Variants in PHACTR3 observed in about 807,000 individuals in gnomAD.
PHACTR3 encodes protein phosphatase 1, regulatory subunit 123.
A neutral mutation model predicts 66.8 loss-of-function variants in PHACTR3; 16 were observed. The observed-to-expected ratio is 0.24, with a 90% CI of 0.16 to 0.36. PHACTR3 has a LOEUF of 0.36. Ranked by LOEUF, PHACTR3 falls within the 10% of genes least tolerant of loss-of-function variation. PHACTR3 has a pLI of 1.00. For synonymous variants in PHACTR3, 323 were observed against 292.1 expected (o/e 1.11, Z -1.08); for missense variants, 647 against 719.9 (o/e 0.90, Z 1.16).
At chr20:59,781,631 T>C (rs991629823) in intron 7 of PHACTR3, among the ~76,000 whole-genome samples, 2 of 152,186 alleles carry the variant, frequency 1.3e-5, no homozygotes, top group Admixed American at 1.3e-4. Flanking sequence ...AAATCTGATA[T>C]TTGTACATTA....
In PHACTR3 at chr20:59,787,824, C is replaced by T. The variant is rs149837001; in HGVS notation, c.1174+13334C>T. ...AGCACCCTCACTTTCCTCTTTGTGA[C>T]AGGTAGTGATGCTTTTTACAGAAAC... is the stretch of plus-strand genomic sequence containing the variant. On this transcript the variant is annotated intron_variant, in intron 7 of 12. Transcript: ENST00000371015. Among the ~76,000 whole-genome samples, 29 of 152,318 alleles carry T rather than the reference C, an allele frequency of 1.9e-4. No individual in the cohort carries two copies. The East Asian group carries it at 5.4e-3, about 28-fold the overall frequency.
chr20:59,645,810 C>T (rs2035264298), intron 1 of PHACTR3, among the ~76,000 whole-genome samples: 1 of 152,130 alleles, frequency 6.6e-6, no homozygotes, highest in South Asian at 2.1e-4. Context: ...CAGTCTCTCC[C>T]AGCATCTAGC....
chr20:59,751,281 G>A (rs1382523117), intron 3 of PHACTR3, among the ~76,000 whole-genome samples: 2 of 152,154 alleles, frequency 1.3e-5, no homozygotes, highest in Non-Finnish European at 2.9e-5. Context: ...GCGCCCTCCT[G>A]TGGCCGGCCA....
intron 1 of PHACTR3, among the ~76,000 whole-genome samples, chr20:59,597,703 A>T (rs1286336134): frequency 6.6e-6 from 1 of 152,216 alleles, no homozygotes; most frequent in Non-Finnish European, 1.5e-5. Context: ...TGCCAGCAGG[A>T]TGTTTGGTCC....
chr20:59,702,340 CT>C (rs2037535520), intron 1 of PHACTR3, among the ~76,000 whole-genome samples: 1 of 152,172 alleles, frequency 6.6e-6, no homozygotes, highest in South Asian at 2.1e-4. Context: ...CCTTCCTGTT[CT>C]TTTGTGCACC....
At chr20:59,775,595 G>A (rs910857268) in intron 7 of PHACTR3, among the ~76,000 whole-genome samples, 4 of 152,140 alleles carry the variant, frequency 2.6e-5, no homozygotes, top group Non-Finnish European at 1.5e-5. Flanking sequence ...GGGTGGGGGT[G>A]CTGTCACCTG....
At chr20:59,627,121 C>A (rs2034481237) in intron 1 of PHACTR3, among the ~76,000 whole-genome samples, 1 of 152,196 alleles carries the variant, frequency 6.6e-6, no homozygotes, top group Non-Finnish European at 1.5e-5. Flanking sequence ...GAAGGACAAT[C>A]CTCAGCTGAC....
intron 8 of PHACTR3, among the ~76,000 whole-genome samples, chr20:59,818,808 C>G (rs192845402): frequency 1.2e-4 from 18 of 152,240 alleles, no homozygotes; most frequent in African/African-American, 4.3e-4. Flanking sequence ...ATCTTCATCA[C>G]TATCATCACC....
chr20:59,713,971 G>C (rs2037999076), intron 1 of PHACTR3, among the ~76,000 whole-genome samples: 1 of 152,070 alleles, frequency 6.6e-6, no homozygotes, highest in Admixed American at 6.5e-5. Flanking sequence ...TGGAAATATT[G>C]CATTGTGGTT....
Position 59,830,157 on chromosome 20 carries a change from C to T in PHACTR3, c.1329-6348C>T, listed in dbSNP as rs115325059. On this transcript the variant is annotated intron_variant, in intron 8 of 12. Coordinates refer to ENST00000371015, the MANE Select transcript of PHACTR3 (RefSeq NM_080672.5). The surrounding 1 kb of genome is among the most constrained non-coding windows in gnomAD (Gnocchi z 5.8). ...AGGCTATGACAGACAGGAGCATGTG[C>T]GTGTCTGGTGGAAGAGGGTGTGCGT... 7.0e-3 allele frequency among the ~76,000 whole-genome samples: 946 copies of T among 134,338 alleles called. 13 individuals are homozygous for T. The highest frequency in any genetic ancestry group is 0.03 in the African/African-American group (888 of 29,146). The allele number at this position is 134,338 out of a possible 152,430, so 88.1% of individuals were successfully genotyped here. A position where few individuals can be genotyped will look rare whatever the true frequency, so the allele number is the denominator to read the frequency against.
chr20:59,707,493 C>G (rs1463995648), intron 1 of PHACTR3, among the ~76,000 whole-genome samples: 2 of 130,464 alleles, frequency 1.5e-5, no homozygotes, highest in Non-Finnish European at 1.6e-5. Context: ...CGGAGTCTCT[C>G]TCTGTCTCCC....
intron 2 of PHACTR3, among the ~76,000 whole-genome samples, chr20:59,745,761 T>C (rs1169594465): frequency 1.3e-5 from 2 of 152,220 alleles, no homozygotes; most frequent in African/African-American, 4.8e-5. Flanking sequence ...ATGCCTGCCC[T>C]GGCAGGTGGC....
chr20:59,809,519 A>G (rs2041671924), intron 8 of PHACTR3, among the ~76,000 whole-genome samples: 1 of 152,004 alleles, frequency 6.6e-6, no homozygotes, highest in Non-Finnish European at 1.5e-5. Context: ...TCTTTATCTT[A>G]ATGATTTTTA....
intron 1 of PHACTR3, among the ~76,000 whole-genome samples, chr20:59,640,153 T>C (rs2035053075): frequency 6.6e-6 from 1 of 152,234 alleles, no homozygotes; most frequent in Admixed American, 6.5e-5. Flanking sequence ...CGTCAGCAGC[T>C]GAGCAATATT....
At chr20:59,690,315 G>A (rs1261392578) in intron 1 of PHACTR3, among the ~76,000 whole-genome samples, 1 of 152,184 alleles carries the variant, frequency 6.6e-6, no homozygotes, top group East Asian at 1.9e-4. Context: ...CACTTCTGCA[G>A]GAAGGCCCCT....
At chr20:59,770,712 C>A (rs1401179726) in intron 5 of PHACTR3, among the ~76,000 whole-genome samples, 1 of 152,224 alleles carries the variant, frequency 6.6e-6, no homozygotes, top group Non-Finnish European at 1.5e-5. Context: ...TGGGCAGGTT[C>A]TCCTCTGTGT....
intron 8 of PHACTR3, among the ~76,000 whole-genome samples, chr20:59,819,283 C>T (rs1205997785): frequency 6.6e-6 from 1 of 152,152 alleles, no homozygotes; most frequent in East Asian, 1.9e-4. Flanking sequence ...ACCAACTGCC[C>T]ACGGGACTGA....
At chr20:59,632,229 G>A (rs1481681417) in intron 1 of PHACTR3, among the ~76,000 whole-genome samples, 1 of 152,124 alleles carries the variant, frequency 6.6e-6, no homozygotes, top group African/African-American at 2.4e-5. Flanking sequence ...CCAAAGCTAG[G>A]GGAGGTCCTA....
At chr20:59,703,792 C>T (rs2037598097) in intron 1 of PHACTR3, among the ~76,000 whole-genome samples, 1 of 151,958 alleles carries the variant, frequency 6.6e-6, no homozygotes, top group Non-Finnish European at 1.5e-5. Context: ...AGAGAGTACT[C>T]CTGAGAAGAC....
Sources: gnomAD v4.1 joint callset for allele counts (sites outside exome capture counted in the v4.1 genomes callset) on GRCh38, gnomAD v4.1.1 for gene constraint, Gnocchi (gnomAD v3.1) non-coding constraint, MANE v1.5 for transcripts, NCBI Gene and HGNC (gene_info 2026-07-23, HGNC 2026-07-21) for gene names.